Variants in CTPS2 observed in about 807,000 individuals in gnomAD.
CTPS2 encodes the protein CTP synthase II.
A neutral mutation model predicts 46.8 loss-of-function variants in CTPS2; 19 were observed. The ratio of observed to expected loss-of-function variants is 0.41; its 90% CI spans 0.28 to 0.60. The LOEUF (loss-of-function observed/expected upper bound fraction) is 0.60, where lower values mean the gene tolerates loss of function less well. Among genes scored for constraint, CTPS2 ranks in the 20% least tolerant of loss-of-function variants. The probability of loss-of-function intolerance (pLI) is 0.35; values close to 1 mark genes in which losing one functional copy is unlikely to be tolerated. For missense variants in CTPS2, 286 were observed against 447.6 expected (o/e 0.64, Z 3.26); for synonymous variants, 151 against 165.2 (o/e 0.91, Z 0.66).
At chrX:16,668,803 A>C (rs1216710064) in intron 11 of CTPS2, among the ~76,000 whole-genome samples, 1 of 107,948 alleles carries the variant, frequency 9.3e-6, no homozygotes, top group African/African-American at 3.4e-5. Context: ...GGAAGGAAGG[A>C]AGGAAGGAAG....
At chrX:16,678,916 C>G (rs1351247355) in intron 9 of CTPS2, among the ~76,000 whole-genome samples, 3 of 110,221 alleles carry the variant, frequency 2.7e-5, no homozygotes, top group Non-Finnish European at 5.7e-5. Flanking sequence ...GAACTGAACA[C>G]TGGAGGAAAG....
intron 6 of CTPS2, 79 bp downstream of exon 6, chrX:16,693,061 TA>T (rs773531172): frequency 0.22 from 97,071 of 449,320 alleles, 16 homozygotes; most frequent in East Asian, 0.27. Flanking sequence ...CGTCTCAAAT[TA>T]AAAAAAAAAA....
chrX:16,659,345 A>T (rs769388350), intron 13 of CTPS2, among the ~76,000 whole-genome samples: 30 of 111,777 alleles, frequency 2.7e-4, no homozygotes, highest in African/African-American at 9.4e-4. Flanking sequence ...TTCATCAAAA[A>T]AGTAGCATTT....
At chrX:16,614,031 G>A (rs1302509827) in intron 16 of CTPS2, among the ~76,000 whole-genome samples, 1 of 111,017 alleles carries the variant, frequency 9.0e-6, no homozygotes, top group East Asian at 2.8e-4. Context: ...GGCTTCCCTG[G>A]GCCACACTGG....
intron 14 of CTPS2, among the ~76,000 whole-genome samples, chrX:16,634,957 GAA>G (rs869060952): frequency 1.7e-4 from 11 of 65,546 alleles, no homozygotes; most frequent in Admixed American, 1.7e-4. Flanking sequence ...CTCAAAAAGA[GAA>G]AAAAAAAAAA....
At chrX:16,666,293 G>A (rs374951407) in intron 13 of CTPS2, among the ~76,000 whole-genome samples, 3 of 111,428 alleles carry the variant, frequency 2.7e-5, no homozygotes, top group East Asian at 5.6e-4. Context: ...GGCAGAGGCA[G>A]GTAAAGAAAA....
Position 16,632,346 on chromosome X carries a change from A to T in CTPS2, c.1393+6801T>A, listed in dbSNP as rs182888786. ...AAAATCGAGGTATAATTTACATGCA[A>T]CTAAATATACAGACCTGAAGGTAGA... On this transcript the variant is annotated intron_variant, in intron 14 of 18. Coordinates refer to ENST00000359276, the MANE Select transcript of CTPS2 (RefSeq NM_175859.3). Among the ~76,000 whole-genome samples the T allele has an allele frequency of 1.5e-3, 165 of 112,146 alleles. 1 individual carries two copies. The highest frequency in any genetic ancestry group is 5.2e-3 in the African/African-American group (161 of 30,928).
chrX:16,595,818 T>C (rs928905660), intron 17 of CTPS2, among the ~76,000 whole-genome samples: 1 of 111,752 alleles, frequency 8.9e-6, no homozygotes, highest in Admixed American at 9.5e-5. Flanking sequence ...AAATGAATAA[T>C]GATTTTTAAA....
intron 13 of CTPS2, among the ~76,000 whole-genome samples, chrX:16,639,467 T>C (rs1359016806): frequency 9.0e-6 from 1 of 110,839 alleles, no homozygotes; most frequent in Non-Finnish European, 1.9e-5. Context: ...AAATCACTTA[T>C]AAAACAATGT....
chrX:16,591,156 G>T (rs1928880885), intron 17 of CTPS2: 1 of 193,258 alleles, frequency 5.2e-6, no homozygotes, highest in Non-Finnish European at 9.4e-6. Flanking sequence ...ATCTTCTGAA[G>T]ACCACTGATC....
intron 11 of CTPS2, among the ~76,000 whole-genome samples, chrX:16,668,440 C>A (rs1921386465): frequency 9.4e-6 from 1 of 106,287 alleles, no homozygotes; most frequent in Non-Finnish European, 1.9e-5. Flanking sequence ...AAAAAATTAG[C>A]CAGGCATGGT....
rs1201806364 is a variant in CTPS2, at chrX:16,702,861, A to G, written c.42T>C (p.Ile14=). 6.2e-5 allele frequency: 75 copies of G among 1,210,672 alleles called. No homozygotes were observed. The highest frequency in any genetic ancestry group is 8.4e-5 in the Non-Finnish European group (75 of 895,001). Residue 14 remains isoleucine (I), a synonymous_variant, in exon 2 of 19, where the codon ATT becomes ATC. Transcript: ENST00000359276. ...ILVTGGVISG[I]GKGIIASSIG... ...TGCTGCTGGCAATGATCCCTTTACCAATGCCTGAGATGACCCCACCCGTGA... is the reference window on the plus strand; with the variant it reads ...TGCTGCTGGCAATGATCCCTTTACCGATGCCTGAGATGACCCCACCCGTGA...
chrX:16,639,275 T>A (rs1288402035), intron 13 of CTPS2, 32 bp from the exon 14 acceptor site: 19 of 1,075,856 alleles, frequency 1.8e-5, no homozygotes, highest in Non-Finnish European at 2.5e-5. Context: ...AGTTTTGCCA[T>A]CTTGTAAAAA....
intron 13 of CTPS2, among the ~76,000 whole-genome samples, chrX:16,645,773 GT>G (rs1300195121): frequency 6.2e-5 from 7 of 112,952 alleles, no homozygotes; most frequent in South Asian, 3.6e-4. Flanking sequence ...AAGCAATTAA[GT>G]TATAAGGGCT....
rs1252019610 is a variant in CTPS2 at position 16,589,757 on chromosome X, C to G, written c.*60G>C. ...TTCTTCAGATAGTTCCTTCATCTTG[C>G]CTTCAATTATTTCAGAGGCTTAAAA... On this transcript the variant is annotated 3_prime_UTR_variant, in exon 19 of 19. Coordinates refer to ENST00000359276, the MANE Select transcript of CTPS2 (RefSeq NM_175859.3). 4 of 112,050 alleles carry G rather than the reference C, an allele frequency of 3.6e-5. No individual in the cohort carries two copies. Among genetic ancestry groups the G allele is most frequent in the African/African-American group, 1.3e-4 (4 of 30,838 alleles). The allele number at this position is 112,050 out of a possible 1,213,427, so 9.2% of individuals were successfully genotyped here.
At chrX:16,590,439 T>C (rs1947492653) in intron 18 of CTPS2, among the ~76,000 whole-genome samples, 1 of 111,975 alleles carries the variant, frequency 8.9e-6, no homozygotes, top group Non-Finnish European at 1.9e-5. Context: ...GCCTAAGATA[T>C]TTACTCTCTG....
chrX:16,627,715 G>C (rs1038904039), intron 14 of CTPS2, among the ~76,000 whole-genome samples: 1 of 111,888 alleles, frequency 8.9e-6, no homozygotes, highest in Non-Finnish European at 1.9e-5. Context: ...CTCAGTGCTT[G>C]TGTCTATCCT....
intron 18 of CTPS2, among the ~76,000 whole-genome samples, chrX:16,590,043 G>A (rs767876243): frequency 1.8e-5 from 2 of 111,911 alleles, no homozygotes; most frequent in Non-Finnish European, 3.8e-5. Flanking sequence ...ATAATGCCTA[G>A]GGCAATCCAG....
chrX:16,614,738 C>T (rs371423863), intron 16 of CTPS2, among the ~76,000 whole-genome samples: 6 of 106,902 alleles, frequency 5.6e-5, no homozygotes, highest in Non-Finnish European at 9.6e-5. Flanking sequence ...AAAACCCTGC[C>T]GCTACAAAAA....
Sources: allele counts gnomAD v4.1 joint callset (sites outside exome capture counted in the v4.1 genomes callset), GRCh38; gene constraint gnomAD v4.1.1; transcripts MANE v1.5; gene names NCBI Gene and HGNC (gene_info 2026-07-23, HGNC 2026-07-21).